Variants in STIM2 observed in about 807,000 individuals in gnomAD.
The protein encoded by STIM2 is stromal interaction molecule 2.
Under a neutral mutation model 85.8 loss-of-function variants are expected in STIM2, and 31 were observed. The ratio of observed to expected loss-of-function variants is 0.36; its 90% CI spans 0.27 to 0.49. The LOEUF (loss-of-function observed/expected upper bound fraction) is 0.49, where lower values mean the gene tolerates loss of function less well. Ranked by LOEUF, STIM2 falls within the 20% of genes least tolerant of loss-of-function variation. The pLI is 0.98. For missense variants in STIM2, 841 were observed against 927.6 expected (o/e 0.91, Z 1.21); for synonymous variants, 356 against 331.1 (o/e 1.08, Z -0.82).
intron 3 of STIM2, among the ~76,000 whole-genome samples, chr4:26,984,086 T>C (rs1157013368): frequency 2.6e-5 from 4 of 152,252 alleles, no homozygotes; most frequent in East Asian, 1.9e-4. Context: ...AGTCACACTT[T>C]TGAAAGTTTG....
intron 1 of STIM2, among the ~76,000 whole-genome samples, chr4:26,868,338 C>CT (rs1345921741): frequency 4.6e-5 from 7 of 152,106 alleles, no homozygotes; most frequent in Admixed American, 4.6e-4. Flanking sequence ...CTCTGTGTAA[C>CT]TTTTTTCTCT....
chr4:26,987,313 A>C (rs1355071994), intron 3 of STIM2, among the ~76,000 whole-genome samples: 1 of 152,208 alleles, frequency 6.6e-6, no homozygotes, highest in Non-Finnish European at 1.5e-5. Flanking sequence ...GGTGGGACCG[A>C]AAGTAGCAGA....
intron 10 of STIM2, among the ~76,000 whole-genome samples, chr4:27,012,381 C>T (rs1029988084): frequency 2.6e-5 from 4 of 151,754 alleles, no homozygotes; most frequent in Non-Finnish European, 2.9e-5. Flanking sequence ...TTCCATTTAT[C>T]GAGATCTTTT....
intron 1 of STIM2, among the ~76,000 whole-genome samples, chr4:26,905,777 T>C (rs1358185202): frequency 1.3e-5 from 2 of 152,176 alleles, no homozygotes; most frequent in East Asian, 3.8e-4. Context: ...GTGTTCTGGG[T>C]AGGAATATAG....
chr4:26,890,034 C>T (rs938214649), intron 1 of STIM2, among the ~76,000 whole-genome samples: 1 of 152,182 alleles, frequency 6.6e-6, no homozygotes, highest in Admixed American at 6.5e-5. Context: ...CTGGCCATTT[C>T]TTCTTCCAAG....
intron 1 of STIM2, among the ~76,000 whole-genome samples, chr4:26,884,893 C>A (rs1318911109): frequency 6.6e-6 from 1 of 152,212 alleles, no homozygotes; most frequent in Non-Finnish European, 1.5e-5. Flanking sequence ...GTGGGTGAGA[C>A]AGAATTCTCA....
intron 10 of STIM2, among the ~76,000 whole-genome samples, chr4:27,011,603 C>T (rs1477214878): frequency 6.6e-6 from 1 of 152,160 alleles, no homozygotes; most frequent in Middle Eastern, 3.2e-3. Context: ...GTGCCTGTAT[C>T]CTCATCAGTA....
chr4:26,986,847 A>G (rs78296360), intron 3 of STIM2, among the ~76,000 whole-genome samples: 2,554 of 152,366 alleles, frequency 0.017, 36 homozygotes, highest in Non-Finnish European at 0.027. Context: ...AAGGAAGACT[A>G]AAAGTCAGTT....
At chr4:26,898,676 C>T (rs1723797017) in intron 1 of STIM2, among the ~76,000 whole-genome samples, 1 of 152,032 alleles carries the variant, frequency 6.6e-6, no homozygotes, top group Non-Finnish European at 1.5e-5. Context: ...TTTTTTCACC[C>T]TTATGTATCA....
At chr4:26,922,405 G>C (rs994022586) in intron 2 of STIM2, among the ~76,000 whole-genome samples, 1 of 143,394 alleles carries the variant, frequency 7.0e-6, no homozygotes, top group Non-Finnish European at 1.5e-5. Flanking sequence ...GTAGATGAAT[G>C]CTCTGTGCAG....
At chr4:26,945,451 T>A (rs529006218) in intron 2 of STIM2, among the ~76,000 whole-genome samples, 108 of 152,328 alleles carry the variant, frequency 7.1e-4, no homozygotes, top group African/African-American at 2.6e-3. Flanking sequence ...TTATATTCCT[T>A]TGGGTGTATA....
chr4:26,943,731 T>G (rs756943322), intron 2 of STIM2, among the ~76,000 whole-genome samples: 56 of 152,154 alleles, frequency 3.7e-4, no homozygotes, highest in Non-Finnish European at 2.1e-4. Flanking sequence ...TGTTGTTACT[T>G]TTTTTTCAAA....
In STIM2 at chr4:27,008,438, T is replaced by C; in HGVS notation, c.1160T>C (p.Ile387Thr). The change falls in exon 9 of 12, where the codon ATT (isoleucine) becomes ACT (threonine). Residue 387 changes from isoleucine to threonine, a missense_variant. Physicochemically the swap from Ile to Thr is moderately conservative, Grantham distance 89 (BLOSUM62 -1). Coordinates refer to ENST00000467087, the MANE Select transcript of STIM2 (RefSeq NM_020860.4). Reference sequence around the variant, plus strand: ...CTTTTCGGTTTCTAGGCAGAAAAAATTAAAAAGAAGAGAAGCACAGTCTTT... The same window carrying C: ...CTTTTCGGTTTCTAGGCAGAAAAAACTAAAAAGAAGAGAAGCACAGTCTTT... 1 of 1,581,576 alleles carries C rather than the reference T, an allele frequency of 6.3e-7. No individual in the cohort carries two copies. Among genetic ancestry groups the C allele is most frequent in the Non-Finnish European group, 8.6e-7 (1 of 1,167,092 alleles).
intron 1 of STIM2, among the ~76,000 whole-genome samples, chr4:26,911,404 T>TA (rs1331665559): frequency 1.3e-5 from 2 of 152,178 alleles, no homozygotes; most frequent in Non-Finnish European, 2.9e-5. Flanking sequence ...AGGTACTTCT[T>TA]ATGCAAAGTG....
intron 3 of STIM2, among the ~76,000 whole-genome samples, chr4:26,985,983 C>T (rs887698904): frequency 3.3e-5 from 5 of 152,116 alleles, no homozygotes; most frequent in South Asian, 4.1e-4. Context: ...ATGGTGAATT[C>T]GGCTGTATCT....
intron 2 of STIM2, among the ~76,000 whole-genome samples, chr4:26,927,466 T>A (rs1577442173): frequency 1.4e-4 from 5 of 37,002 alleles, no homozygotes; most frequent in African/African-American, 2.0e-4. Flanking sequence ...CACTCATAGG[T>A]GGGAATTGAA....
intron 2 of STIM2, 113 bp from the exon 3 acceptor site, chr4:26,957,499 C>T: frequency 1.9e-6 from 1 of 539,374 alleles, no homozygotes; most frequent in Non-Finnish European, 3.2e-6. Context: ...CAAAAATTTG[C>T]CAGTTACTGT....
chr4:27,019,349 C>A, intron 11 of STIM2: 1 of 1,061,620 alleles, frequency 9.4e-7, no homozygotes, highest in Non-Finnish European at 1.3e-6. Context: ...GAATCTGATG[C>A]GACTTTGCTT....
intron 2 of STIM2, among the ~76,000 whole-genome samples, chr4:26,950,951 T>C (rs1177908111): frequency 6.6e-6 from 1 of 152,184 alleles, no homozygotes; most frequent in Non-Finnish European, 1.5e-5. Flanking sequence ...TCAAAGCTTC[T>C]AATCAGCATG....
Sources: gnomAD v4.1 joint callset for allele counts (sites outside exome capture counted in the v4.1 genomes callset) on GRCh38, gnomAD v4.1.1 for gene constraint, MANE v1.5 for transcripts, NCBI Gene and HGNC (gene_info 2026-07-23, HGNC 2026-07-21) for gene names.